DOK7: variants seen among roughly 807,000 people sequenced by gnomAD.
DOK7 encodes protein Dok-7.
DOK7 carries 32 observed loss-of-function variants against 30.7 expected under a neutral mutation model. That is an observed-to-expected ratio of 1.04 (90% confidence interval 0.79 to 1.40). DOK7 has a LOEUF of 1.40. Among genes scored for constraint, DOK7 ranks in the 40% most tolerant of loss-of-function variants. The pLI is 0.00. For missense variants in DOK7, 1,007 were observed against 699.2 expected (o/e 1.44, Z -4.97); for synonymous variants, 447 against 324.1 (o/e 1.38, Z -4.07).
intron 6 of DOK7, among the ~76,000 whole-genome samples, chr4:3,492,259 G>A (rs1274816371): frequency 1.3e-5 from 2 of 152,118 alleles, no homozygotes; most frequent in Non-Finnish European, 2.9e-5. Flanking sequence ...GGTGAGGGCA[G>A]GGGGCGAGTC....
At chr4:3,497,698 G>C, downstream of DOK7, among the ~76,000 whole-genome samples, 1 of 151,954 alleles carries the variant, frequency 6.6e-6, no homozygotes, top group East Asian at 1.9e-4. Context: ...AGGACACCCA[G>C]GGTGGGGGAG....
chr4:3,485,545 G>A lies in DOK7; in HGVS notation c.539G>A (p.Gly180Asp), dbSNP rs118203994. 6.2e-7 allele frequency: 1 copy of A among 1,602,228 alleles called. No individual in the cohort carries two copies. The highest frequency in any genetic ancestry group is 8.5e-7 in the Non-Finnish European group (1 of 1,173,538). ...CTCTGTCCTTCCTCTGCAGGGGCTG[G>A]CGTCTTCTTCCTGTCCTCGGCCGAG... ...EGGTRCGYWAGVFFLSSAEGE... is the reference protein window; with the variant it reads ...EGGTRCGYWADVFFLSSAEGE... Residue 180 changes from glycine (G) to aspartate (D), a missense_variant, in exon 5 of 7, where the codon GGC becomes GAC. Gly to Asp is a moderately conservative substitution (Grantham distance 94). Coordinates refer to ENST00000340083, the MANE Select transcript of DOK7 (RefSeq NM_173660.5).
intron 2 of DOK7, among the ~76,000 whole-genome samples, chr4:3,470,789 G>T (rs1000089903): frequency 6.6e-6 from 1 of 152,230 alleles, no homozygotes; most frequent in South Asian, 2.1e-4. Context: ...AAGCCAAAAG[G>T]GTGACGTCGG....
intron 6 of DOK7, among the ~76,000 whole-genome samples, chr4:3,491,960 G>A (rs1728494804): frequency 6.6e-6 from 1 of 152,256 alleles, no homozygotes; most frequent in Non-Finnish European, 1.5e-5. Flanking sequence ...CCCCCAGAGG[G>A]CACCAAGCAG....
chr4:3,477,654 CTG>C (rs1727182288), intron 4 of DOK7, among the ~76,000 whole-genome samples: 1 of 152,348 alleles, frequency 6.6e-6, no homozygotes, highest in Non-Finnish European at 1.5e-5. Context: ...GCTCCACGGA[CTG>C]GGGGCGTACA....
intron 2 of DOK7, among the ~76,000 whole-genome samples, chr4:3,472,466 C>A (rs576807687): frequency 6.6e-6 from 1 of 152,210 alleles, no homozygotes; most frequent in Non-Finnish European, 1.5e-5. Context: ...GCCCAGCTGC[C>A]GGGGCCTAGG....
At chr4:3,490,486 ATTCC>A (rs1560227148) in intron 6 of DOK7, among the ~76,000 whole-genome samples, 1 of 100,636 alleles carries the variant, frequency 9.9e-6, no homozygotes, top group African/African-American at 4.1e-5. Context: ...CTGCTCATTC[ATTCC>A]TTCCTTTTCC....
chr4:3,490,344 CTT>C (rs1399407502), intron 6 of DOK7, among the ~76,000 whole-genome samples: 34 of 118,960 alleles, frequency 2.9e-4, no homozygotes, highest in East Asian at 1.1e-3. Flanking sequence ...TCATTCCTTC[CTT>C]TTCCCCACAC....
chr4:3,495,014 T>G (rs1392273613), downstream of DOK7, among the ~76,000 whole-genome samples: 1 of 152,198 alleles, frequency 6.6e-6, no homozygotes, highest in Non-Finnish European at 1.5e-5. Context: ...CTGGAGGGCT[T>G]CTGCAGCAGT....
intron 2 of DOK7, among the ~76,000 whole-genome samples, chr4:3,471,768 G>T (rs1249426888): frequency 1.3e-5 from 2 of 152,248 alleles, no homozygotes; most frequent in Admixed American, 6.5e-5. Context: ...CCAGGAGATT[G>T]TCTGGAAAGC....
chr4:3,475,238 A>G (rs969700388), intron 3 of DOK7, among the ~76,000 whole-genome samples: 3 of 152,274 alleles, frequency 2.0e-5, no homozygotes, highest in African/African-American at 7.2e-5. Context: ...GCTCAGCGGC[A>G]TGGGTCTGCT....
rs1295122704 is a variant in DOK7 at position 3,493,251 on chromosome 4, C to T, written c.1265C>T (p.Ser422Leu). The change falls in exon 7 of 7, where the codon TCA (serine) becomes TTA (leucine). Residue 422 changes from serine to leucine, a missense_variant. Transcript: ENST00000340083. ...CLAPRDHSPPSQGSPGNSAAR... is the reference protein window; with the variant it reads ...CLAPRDHSPPLQGSPGNSAAR... ...GCTCCTAGAGACCACAGCCCCCCCTCACAGGGCAGCCCCGGCAACAGTGCG... is the reference window on the plus strand; with the variant it reads ...GCTCCTAGAGACCACAGCCCCCCCTTACAGGGCAGCCCCGGCAACAGTGCG... The T allele has an allele frequency of 1.2e-6, 2 of 1,611,910 alleles. No individual in the cohort carries two copies. Among genetic ancestry groups the T allele is most frequent in the East Asian group, 2.2e-5 (1 of 44,854 alleles).
downstream of DOK7, among the ~76,000 whole-genome samples, chr4:3,495,255 C>T (rs529971466): frequency 1.2e-4 from 18 of 152,332 alleles, no homozygotes; most frequent in East Asian, 1.9e-4. Flanking sequence ...CGGAGGTGGC[C>T]GCGCCAGTCT....
intron 4 of DOK7, among the ~76,000 whole-genome samples, chr4:3,481,348 C>A (rs1727432520): frequency 6.6e-6 from 1 of 151,974 alleles, no homozygotes; most frequent in Non-Finnish European, 1.5e-5. Flanking sequence ...CTGCCCCAGG[C>A]AGCAGCTGCC....
rs1726903206 is a variant in DOK7, at chr4:3,473,636, G to C, written c.331G>C (p.Val111Leu). 1 of 1,557,972 alleles carries C rather than the reference G, an allele frequency of 6.4e-7. No homozygotes were observed. Among genetic ancestry groups the C allele is most frequent in the Admixed American group, 1.9e-5 (1 of 53,628 alleles). ...CCGGATCCGCTATGCGCTCGGCGAG[G>C]GTGAGTGACGGGGGCCGGGGCCGGG... is the stretch of plus-strand genomic sequence containing the variant. ...DARIRYALGE[V>L]HRFHVTVAPG... Residue 111 changes from valine to leucine, a missense_variant and splice_region_variant, in exon 3 of 7, where the codon GTG becomes CTG. Transcript: ENST00000340083.
chr4:3,493,727 C>G lies in DOK7; in HGVS notation c.*226C>G. The G allele has an allele frequency of 5.6e-6, 8 of 1,422,666 alleles. No individual in the cohort carries two copies. The highest frequency in any genetic ancestry group is 7.3e-6 in the Non-Finnish European group (8 of 1,092,568). The allele number at this position is 1,422,666 out of a possible 1,614,324, so 88.1% of individuals were successfully genotyped here. ...GGCAGGGGCTCTGGGTCCGGCAGGT[C>G]GGGGTCACCAGAGCCCCAATGCTCA... On this transcript the variant is annotated 3_prime_UTR_variant, in exon 7 of 7. Coordinates refer to ENST00000340083, the MANE Select transcript of DOK7 (RefSeq NM_173660.5).
In DOK7 at chr4:3,488,363, C is replaced by T. The variant is rs151188726; in HGVS notation, c.653-1314C>T. On this transcript the variant is annotated intron_variant, in intron 5 of 6. Coordinates refer to ENST00000340083, the MANE Select transcript of DOK7 (RefSeq NM_173660.5). ...CTCCTGTAGTGAGCAAGGGCCCCAG[C>T]TGGGCACCTGTGTGGGCTGAAGGCA... Among the ~76,000 whole-genome samples, 458 of 152,358 alleles carry T rather than the reference C, an allele frequency of 3.0e-3. 3 individuals are homozygous for T. Among genetic ancestry groups the T allele is most frequent in the African/African-American group, 0.011 (442 of 41,592 alleles).
At chr4:3,480,844 C>T (rs1727401500) in intron 4 of DOK7, among the ~76,000 whole-genome samples, 1 of 152,060 alleles carries the variant, frequency 6.6e-6, no homozygotes, top group East Asian at 1.9e-4. Flanking sequence ...GCCTCAGAGG[C>T]TGCGTGAGAC....
chr4:3,491,385 C>T (rs910684288), intron 6 of DOK7, among the ~76,000 whole-genome samples: 1 of 136,522 alleles, frequency 7.3e-6, no homozygotes, highest in African/African-American at 2.6e-5. Flanking sequence ...CCTGCTCGTT[C>T]ATTCCTTCCT....
Sources: allele counts gnomAD v4.1 joint callset (sites outside exome capture counted in the v4.1 genomes callset), GRCh38; gene constraint gnomAD v4.1.1; transcripts MANE v1.5; gene names NCBI Gene and HGNC (gene_info 2026-07-23, HGNC 2026-07-21).